The following FGF12 variants were observed in gnomAD, a reference collection of about 807,000 sequenced individuals.
FGF12 encodes the protein fibroblast growth factor 12B.
A neutral mutation model predicts 23.6 loss-of-function variants in FGF12; 14 were observed. The ratio of observed to expected loss-of-function variants is 0.59; its 90% CI spans 0.39 to 0.93. The LOEUF (loss-of-function observed/expected upper bound fraction) is 0.93, where lower values mean the gene tolerates loss of function less well. FGF12 is among the 40% of genes least tolerant of loss of function. The pLI, the probability that FGF12 is intolerant of heterozygous loss-of-function variation, is 0.00. For missense variants in FGF12, 175 were observed against 217.8 expected (o/e 0.80, Z 1.24); for synonymous variants, 62 against 77.3 (o/e 0.80, Z 1.04).
chr3:192,723,933 G>T (rs77786596), intron 2 of FGF12, among the ~76,000 whole-genome samples: 17,842 of 107,320 alleles, frequency 0.17, 1,501 homozygotes, highest in East Asian at 0.31. Flanking sequence ...AGAAAGGAGG[G>T]AAGAGGAAAG....
In FGF12 at chr3:192,257,003, C is replaced by A. The variant is rs58859878; in HGVS notation, c.228+78358G>T. Among the ~76,000 whole-genome samples, 128 of 152,242 alleles carry A rather than the reference C, an allele frequency of 8.4e-4. 1 individual carries two copies. The highest frequency in any genetic ancestry group is 3.0e-3 in the African/African-American group (123 of 41,570). On this transcript the variant is annotated intron_variant, in intron 4 of 5. Coordinates refer to ENST00000445105, the MANE Select transcript of FGF12 (RefSeq NM_004113.6). The stretch of plus-strand genomic sequence containing the variant: ...CTTCAGTAACTTTTTCCCATAAGCT[C>A]ATAAATTGTAATTATGCTCTCACAG...
intron 2 of FGF12, among the ~76,000 whole-genome samples, chr3:192,607,865 A>G (rs56021848): frequency 0.46 from 62,817 of 137,762 alleles, 15,612 homozygotes; most frequent in East Asian, 0.78. Context: ...AAAAAAAAAA[A>G]AAGAAGAAGA....
intron 2 of FGF12, among the ~76,000 whole-genome samples, chr3:192,629,459 C>T (rs1395891761): frequency 6.6e-6 from 1 of 152,166 alleles, no homozygotes; most frequent in Non-Finnish European, 1.5e-5. Flanking sequence ...AAAAAGGAAA[C>T]CAGCGATCTC....
At chr3:192,513,680 T>C (rs964762984) in intron 2 of FGF12, among the ~76,000 whole-genome samples, 3 of 152,210 alleles carry the variant, frequency 2.0e-5, no homozygotes, top group Non-Finnish European at 2.9e-5. Flanking sequence ...GTTAAATTTT[T>C]GAAAAGTAAA....
chr3:192,658,732 A>T (rs1480124746), intron 2 of FGF12, among the ~76,000 whole-genome samples: 1 of 151,714 alleles, frequency 6.6e-6, no homozygotes. Flanking sequence ...TGCACTTAAG[A>T]TTTTTAAAAA....
intron 2 of FGF12, among the ~76,000 whole-genome samples, chr3:192,571,222 G>A (rs73060506): frequency 1.0e-3 from 156 of 152,338 alleles, no homozygotes; most frequent in African/African-American, 3.6e-3. Context: ...CAATGACTTC[G>A]TGAAATCGTT....
rs267599732 is a variant in FGF12 at position 192,170,514 on chromosome 3, C to A, written c.371G>T (p.Gly124Val). The A allele has an allele frequency of 6.2e-7, 1 of 1,613,914 alleles. No homozygotes were observed. The highest frequency in any genetic ancestry group is 8.5e-7 in the Non-Finnish European group (1 of 1,179,976). ...GLNKEGQIMKGNRVKKTKPSS... is the reference protein window; with the variant it reads ...GLNKEGQIMKVNRVKKTKPSS... ...GGGCTTGGTTTTCTTCACTCTGTTC[C>A]CCTTCATAATTTGACCTTCTTTATT... The change falls in exon 5 of 6, where the codon GGG becomes GTG. Residue 124 changes from glycine to valine, a missense_variant. Coordinates refer to ENST00000445105, the MANE Select transcript of FGF12 (RefSeq NM_004113.6).
intron 5 of FGF12, among the ~76,000 whole-genome samples, chr3:192,161,932 G>C (rs563098842): frequency 1.3e-5 from 2 of 152,226 alleles, no homozygotes; most frequent in East Asian, 3.9e-4. Context: ...CACTGGAGTT[G>C]TTCTGACAAA....
In FGF12 at chr3:192,587,874, C is replaced by A. The variant is rs535866518; in HGVS notation, c.13+139307G>T. Among the ~76,000 whole-genome samples, 6 of 151,960 alleles carry A rather than the reference C, an allele frequency of 3.9e-5. 2 individuals carry two copies. The South Asian group carries it at 1.1e-3, about 27-fold the overall frequency. The stretch of plus-strand genomic sequence containing the variant: ...CTGAAAATGTGAGGAAAAAGAATTT[C>A]TAATTCTAAAACTTTGGGCACCACC... On this transcript the variant is annotated intron_variant, in intron 2 of 5. Coordinates refer to ENST00000445105, the MANE Select transcript of FGF12 (RefSeq NM_004113.6).
At chr3:192,328,881 C>T (rs928110546) in intron 4 of FGF12, among the ~76,000 whole-genome samples, 2 of 152,186 alleles carry the variant, frequency 1.3e-5, no homozygotes, top group African/African-American at 4.8e-5. Flanking sequence ...GACTTTCAAT[C>T]AGTATGTATT....
chr3:192,585,804 T>A (rs1253799087), intron 2 of FGF12, among the ~76,000 whole-genome samples: 1 of 152,158 alleles, frequency 6.6e-6, no homozygotes, highest in Admixed American at 6.5e-5. Flanking sequence ...TTTATAGCAA[T>A]GTAATATTAT....
intron 2 of FGF12, among the ~76,000 whole-genome samples, chr3:192,589,134 A>G (rs2701593): frequency 0.76 from 115,833 of 151,544 alleles, 45,015 homozygotes; most frequent in East Asian, 0.97. Context: ...CAAGAGATGG[A>G]GACCATCCTG....
intron 2 of FGF12, among the ~76,000 whole-genome samples, chr3:192,454,457 A>C (rs1055079837): frequency 1.3e-5 from 2 of 152,192 alleles, no homozygotes; most frequent in East Asian, 3.9e-4. Context: ...TGGTACAAAT[A>C]CAGTCTAGAA....
chr3:192,355,744 C>A (rs1304021941), intron 3 of FGF12, among the ~76,000 whole-genome samples: 1 of 152,136 alleles, frequency 6.6e-6, no homozygotes, highest in East Asian at 1.9e-4. Context: ...TAATTCTTTT[C>A]TAGAAGGCAA....
chr3:192,331,805 G>C (rs1717138435), intron 4 of FGF12, among the ~76,000 whole-genome samples: 2 of 151,990 alleles, frequency 1.3e-5, no homozygotes, highest in African/African-American at 2.4e-5. Context: ...AAACTGATGA[G>C]AAACTTCTCA....
intron 2 of FGF12, among the ~76,000 whole-genome samples, chr3:192,389,846 T>C (rs1483518084): frequency 2.0e-5 from 3 of 152,250 alleles, no homozygotes; most frequent in East Asian, 3.8e-4. Context: ...AAGACCATCA[T>C]CCATAATATC....
At chr3:192,376,444 C>T (rs969518416) in intron 2 of FGF12, among the ~76,000 whole-genome samples, 1 of 152,006 alleles carries the variant, frequency 6.6e-6, no homozygotes, top group Admixed American at 6.6e-5. Flanking sequence ...CTGACCGCAA[C>T]CTCTGCCTCC....
intron 2 of FGF12, among the ~76,000 whole-genome samples, chr3:192,466,231 TA>T (rs1195488277): frequency 6.6e-6 from 1 of 152,184 alleles, no homozygotes; most frequent in Non-Finnish European, 1.5e-5. Flanking sequence ...TAAGGTATTA[TA>T]ACATTATAGG....
At chr3:192,609,149 T>G (rs914696374) in intron 2 of FGF12, among the ~76,000 whole-genome samples, 4 of 152,098 alleles carry the variant, frequency 2.6e-5, no homozygotes, top group African/African-American at 4.8e-5. Context: ...TCTCCATATT[T>G]GTTATATAAG....
Sources: gnomAD v4.1 joint callset for allele counts (sites outside exome capture counted in the v4.1 genomes callset) on GRCh38, gnomAD v4.1.1 for gene constraint, MANE v1.5 for transcripts, NCBI Gene and HGNC (gene_info 2026-07-23, HGNC 2026-07-21) for gene names.